The following INTS5 variants were observed in gnomAD, a reference collection of about 807,000 sequenced individuals.
INTS5 encodes KIAA1698.
A neutral mutation model predicts 60.0 loss-of-function variants in INTS5; 29 were observed. The observed-to-expected ratio is 0.48, with a 90% CI of 0.36 to 0.66. The LOEUF (loss-of-function observed/expected upper bound fraction) is 0.66, where lower values mean the gene tolerates loss of function less well. INTS5 is among the 30% of genes least tolerant of loss of function. INTS5 has a pLI of 0.00. For synonymous variants in INTS5, 588 were observed against 558.8 expected (o/e 1.05, Z -0.74); for missense variants, 1,129 against 1,307.9 (o/e 0.86, Z 2.11).
At position 62,653,232 on chromosome 11, in the gene INTS5, G is replaced by T. The variant is rs1443622170; in HGVS notation, c.18C>A (p.Asp6Glu). The change falls in exon 1 of 2, where the codon GAC becomes GAA. Residue 6 changes from aspartate (D) to glutamate (E), a missense_variant. Transcript: ENST00000330574. MSALC[D>E]PPGAPGPPGP... ...CAGGTGGCCCTGGGGCCCCGGGAGG[G>T]TCGCACAGCGCGGACATCCCGGAGC... 15 of 1,245,358 alleles carry T rather than the reference G, an allele frequency of 1.2e-5. No individual in the cohort carries two copies. Among genetic ancestry groups the T allele is most frequent in the Non-Finnish European group, 1.3e-5 (13 of 987,606 alleles). The allele number at this position is 1,245,358 out of a possible 1,614,324, so 77.1% of individuals were successfully genotyped here. A position where few individuals can be genotyped will look rare whatever the true frequency, so the allele number is the denominator to read the frequency against.
Position 62,649,904 on chromosome 11 carries a change from C to T in INTS5, c.176G>A (p.Gly59Asp), listed in dbSNP as rs760304431. ...TGGCAAAGAACGGAGCAGGAGAAGA[C>T]CACAGCGAGCATGTTCCCGGGCTGA... ...QLSAREHARC[G>D]LLLLRSLPPA... Residue 59 changes from glycine (G) to aspartate (D), a missense_variant, in exon 2 of 2, where the codon GGT becomes GAT. By Grantham distance (94) the Gly-to-Asp change is moderately conservative. Transcript: ENST00000330574. The surrounding 1 kb of genome is among the most constrained non-coding windows in gnomAD (Gnocchi z 6.0). 1 of 1,614,176 alleles carries T rather than the reference C, an allele frequency of 6.2e-7. No homozygotes were observed. The highest frequency in any genetic ancestry group is 8.5e-7 in the Non-Finnish European group (1 of 1,180,034).
In INTS5 at chr11:62,647,420, C is replaced by T. The variant is rs1458371847; in HGVS notation, c.2660G>A (p.Gly887Asp). 3 of 1,610,078 alleles carry T rather than the reference C, an allele frequency of 1.9e-6. No individual in the cohort carries two copies. Among genetic ancestry groups the T allele is most frequent in the Non-Finnish European group, 2.5e-6 (3 of 1,177,682 alleles). The change falls in exon 2 of 2, where the codon GGC (glycine) becomes GAC (aspartate). Residue 887 changes from glycine to aspartate, a missense_variant. Coordinates refer to ENST00000330574, the MANE Select transcript of INTS5 (RefSeq NM_030628.2). Reference protein sequence around the residue: ...LLRGLLAALLGHWEASRHPDT... With the variant: ...LLRGLLAALLDHWEASRHPDT... ...AGGGTGGCGAGAGGCTTCCCAATGGCCCAAGAGGGCGGCCAGCAGCCCCCG... is the reference window on the plus strand; with the variant it reads ...AGGGTGGCGAGAGGCTTCCCAATGGTCCAAGAGGGCGGCCAGCAGCCCCCG...
chr11:62,647,259 G>C lies in INTS5; in HGVS notation c.2821C>G (p.Leu941Val), dbSNP rs775434159. Residue 941 changes from leucine to valine, a missense_variant, in exon 2 of 2, where the codon CTG becomes GTG. Coordinates refer to ENST00000330574, the MANE Select transcript of INTS5 (RefSeq NM_030628.2). ...AAACCCCAGACACTGAGCAGCAGCA[G>C]ACGCACCTCGAAAGGTGCCAGTTGG... ...FSQLAPFEVR[L>V]LLLSVWGFLR... 6.2e-7 allele frequency: 1 copy of C among 1,614,258 alleles called. No homozygotes were observed. The highest frequency in any genetic ancestry group is 8.5e-7 in the Non-Finnish European group (1 of 1,180,050).
Position 62,647,968 on chromosome 11 carries a change from C to T in INTS5, c.2112G>A (p.Leu704=), listed in dbSNP as rs577883914. The T allele has an allele frequency of 1.9e-6, 3 of 1,614,222 alleles. No homozygotes were observed. The highest frequency in any genetic ancestry group is 2.5e-6 in the Non-Finnish European group (3 of 1,180,044). The change falls in exon 2 of 2, where the codon CTG becomes CTA. Residue 704 remains leucine (L), a synonymous_variant. Coordinates refer to ENST00000330574, the MANE Select transcript of INTS5 (RefSeq NM_030628.2). ...TGTCCCCATCTACTTGCCCACCAAACAGTTCTGTGTTGCCTCGATGTAAGG... is the reference window on the plus strand; with the variant it reads ...TGTCCCCATCTACTTGCCCACCAAATAGTTCTGTGTTGCCTCGATGTAAGG... ...EGALHRGNTE[L]FGGQVDGDNE...
rs2134577293 is a variant in INTS5, at chr11:62,647,511, G to A, written c.2569C>T (p.Leu857Phe). The A allele has an allele frequency of 6.2e-7, 1 of 1,611,060 alleles. No homozygotes were observed. The highest frequency in any genetic ancestry group is 8.5e-7 in the Non-Finnish European group (1 of 1,178,474). The change falls in exon 2 of 2, where the codon CTC becomes TTC. Residue 857 changes from leucine to phenylalanine, a missense_variant. Physicochemically the swap from Leu to Phe is conservative, Grantham distance 22. Around this residue, in one of 3 missense-constraint regions of INTS5, gnomAD observed 1,070 missense variants for 1,246.1 expected, o/e 0.86. Coordinates refer to ENST00000330574, the MANE Select transcript of INTS5 (RefSeq NM_030628.2). Reference sequence around the variant, plus strand: ...GCTACCAGCTTTAACAGCTCAAAGAGCAGGGGCTGTTCGCGGAAGCGCCGG... The same window carrying A: ...GCTACCAGCTTTAACAGCTCAAAGAACAGGGGCTGTTCGCGGAAGCGCCGG... ...IGRRFREQPL[L>F]FELLKLVAAA... is the part of the protein sequence containing the mutation.
chr11:62,647,230 G>A lies in INTS5; in HGVS notation c.2850C>T (p.Leu950=). The A allele has an allele frequency of 2.5e-6, 4 of 1,614,240 alleles. No individual in the cohort carries two copies. Among genetic ancestry groups the A allele is most frequent in the Non-Finnish European group, 3.4e-6 (4 of 1,180,048 alleles). The change falls in exon 2 of 2, where the codon CTC becomes CTT. Residue 950 remains leucine (L), a synonymous_variant. Transcript: ENST00000330574. ...TCTGAGGCAAGGGCCCATGCTCCCG[G>A]AGAAAACCCCAGACACTGAGCAGCA... ...RLLLLSVWGF[L]REHGPLPQKF...
chr11:62,651,030 T>C (rs1378173585), intron 1 of INTS5, among the ~76,000 whole-genome samples: 1 of 152,082 alleles, frequency 6.6e-6, no homozygotes, highest in African/African-American at 2.4e-5. Context: ...ACTTAAGTTC[T>C]GCAGAAGGAT....
Position 62,650,009 on chromosome 11 carries a change from A to T in INTS5, c.81-10T>A. Reference sequence around the variant, plus strand: ...GGACAGCTCCTGAGCACTACAAGGAAGCAAAAGAAACAGACTTAAGAGTGT... The same window carrying T: ...GGACAGCTCCTGAGCACTACAAGGATGCAAAAGAAACAGACTTAAGAGTGT... On this transcript the variant is annotated splice_polypyrimidine_tract_variant and intron_variant, in intron 1 of 1. Coordinates refer to ENST00000330574, the MANE Select transcript of INTS5 (RefSeq NM_030628.2). 1 of 1,606,480 alleles carries T rather than the reference A, an allele frequency of 6.2e-7. No homozygotes were observed. Among genetic ancestry groups the T allele is most frequent in the South Asian group, 1.1e-5 (1 of 90,958 alleles).
rs755720699 is a variant in INTS5, at chr11:62,649,667, T to G, written c.413A>C (p.Lys138Thr). Residue 138 changes from lysine (K) to threonine (T), a missense_variant, in exon 2 of 2, where the codon AAG becomes ACG. By Grantham distance (78) the Lys-to-Thr change is moderately conservative. This residue lies in a region of INTS5 where 1,070 missense variants were observed against 1,246.1 expected (regional missense o/e 0.86). Coordinates refer to ENST00000330574, the MANE Select transcript of INTS5 (RefSeq NM_030628.2). The surrounding 1 kb of genome is among the most constrained non-coding windows in gnomAD (Gnocchi z 6.0). ...TGCACTAATCACAGGTGCCCAGGCC[T>G]TTGGGTTGGCCCGGATAAACTCAGA... ...VLSEFIRANP[K>T]AWAPVISAWS... 6.2e-7 allele frequency: 1 copy of G among 1,614,200 alleles called. No individual in the cohort carries two copies.
Position 62,647,994 on chromosome 11 carries a change from C to T in INTS5, c.2086G>A (p.Ala696Thr), listed in dbSNP as rs771328399. 21 of 1,614,088 alleles carry T rather than the reference C, an allele frequency of 1.3e-5. No individual in the cohort carries two copies. Among genetic ancestry groups the T allele is most frequent in the Non-Finnish European group, 1.6e-5 (19 of 1,180,040 alleles). Reference sequence around the variant, plus strand: ...AGTTCTGTGTTGCCTCGATGTAAGGCTCCTTCAACCAGCAGCTGCAGGACA... The same window carrying T: ...AGTTCTGTGTTGCCTCGATGTAAGGTTCCTTCAACCAGCAGCTGCAGGACA... ...KAVLQLLVEG[A>T]LHRGNTELFG... Residue 696 changes from alanine to threonine, a missense_variant, in exon 2 of 2, where the codon GCC (alanine) becomes ACC (threonine). Ala to Thr is a moderately conservative substitution (Grantham distance 58). This residue lies in a region of INTS5 where 1,070 missense variants were observed against 1,246.1 expected (regional missense o/e 0.86). Coordinates refer to ENST00000330574, the MANE Select transcript of INTS5 (RefSeq NM_030628.2).
At position 62,649,933 on chromosome 11, in the gene INTS5, T is replaced by G. The variant is rs758106119; in HGVS notation, c.147A>C (p.Gln49His). ...LTGVDPILGHQLSAREHARCG... is the reference protein window; with the variant it reads ...LTGVDPILGHHLSAREHARCG... ...AGCGAGCATGTTCCCGGGCTGAGAG[T>G]TGGTGGCCCAGAATGGGGTCTACGC... The change falls in exon 2 of 2, where the codon CAA (glutamine) becomes CAC (histidine). Residue 49 changes from glutamine (Q) to histidine (H), a missense_variant. Transcript: ENST00000330574. This position sits in a 1 kb window ranked among gnomAD's most constrained non-coding sequence, Gnocchi z 6.0. 7.4e-6 allele frequency: 12 copies of G among 1,613,912 alleles called. No individual in the cohort carries two copies. The South Asian group carries it at 1.3e-4, about 18-fold the overall frequency.
At position 62,649,844 on chromosome 11, in the gene INTS5, C is replaced by T. The variant is rs1410630298; in HGVS notation, c.236G>A (p.Gly79Asp). 7 of 1,614,024 alleles carry T rather than the reference C, an allele frequency of 4.3e-6. No individual in the cohort carries two copies. Among genetic ancestry groups the T allele is most frequent in the Admixed American group, 1.7e-5 (1 of 59,990 alleles). Reference sequence around the variant, plus strand: ...GGCCCGGACACTCTCATCAAAGACACCTCTCAAGTGGTCAAGCACAGCAGC... The same window carrying T: ...GGCCCGGACACTCTCATCAAAGACATCTCTCAAGTGGTCAAGCACAGCAGC... ...ARAAVLDHLR[G>D]VFDESVRAHL... is the part of the protein sequence containing the mutation. Residue 79 changes from glycine to aspartate, a missense_variant, in exon 2 of 2, where the codon GGT (glycine) becomes GAT (aspartate). By Grantham distance (94) the Gly-to-Asp change is moderately conservative (BLOSUM62 -1). Around this residue, in one of 3 missense-constraint regions of INTS5, gnomAD observed 1,070 missense variants for 1,246.1 expected, o/e 0.86. Coordinates refer to ENST00000330574, the MANE Select transcript of INTS5 (RefSeq NM_030628.2). The surrounding 1 kb of genome is among the most constrained non-coding windows in gnomAD (Gnocchi z 6.0).
rs563584230 is a variant in INTS5 at position 62,648,770 on chromosome 11, C to T, written c.1310G>A (p.Arg437Gln). Residue 437 changes from arginine to glutamine, a missense_variant, in exon 2 of 2, where the codon CGG becomes CAG. Transcript: ENST00000330574. The surrounding 1 kb of genome is among the most constrained non-coding windows in gnomAD (Gnocchi z 4.4). ...GTGCAGCAGCAGCAGCTGGATTAGC[C>T]GGTCACAAGCCTCACGCACGGTGTC... ...VPDTVREACD[R>Q]LIQLLLLHLQ... 25 of 1,614,166 alleles carry T rather than the reference C, an allele frequency of 1.5e-5. No homozygotes were observed. The highest frequency in any genetic ancestry group is 8.0e-5 in the African/African-American group (6 of 75,046).
In INTS5 at chr11:62,647,248, G is replaced by A. The variant is rs759284772; in HGVS notation, c.2832C>T (p.Leu944=). Residue 944 remains leucine, a synonymous_variant, in exon 2 of 2, where the codon CTC becomes CTT. Transcript: ENST00000330574. ...GCTCCCGGAGAAAACCCCAGACACT[G>A]AGCAGCAGCAGACGCACCTCGAAAG... is the stretch of plus-strand genomic sequence containing the variant. ...LAPFEVRLLL[L]SVWGFLREHG... 2.1e-5 allele frequency: 34 copies of A among 1,614,102 alleles called. No homozygotes were observed. The Admixed American group carries it at 4.8e-4, about 23-fold the overall frequency.
chr11:62,653,287 A>G lies in INTS5; in HGVS notation c.-38T>C, dbSNP rs560796016. The G allele has an allele frequency of 1.5e-4, 186 of 1,231,798 alleles. No homozygotes were observed. The African/African-American group carries it at 2.7e-3, about 18-fold the overall frequency. 76.3% of individuals were successfully genotyped at this position (1,231,798 alleles called of 1,614,324 possible). On this transcript the variant is annotated 5_prime_UTR_variant, in exon 1 of 2. Coordinates refer to ENST00000330574, the MANE Select transcript of INTS5 (RefSeq NM_030628.2). Reference sequence around the variant, plus strand: ...GCCGAGCCCGAGGCGCGAGCGGCGGAGCGCAGGCGGCGCATGCGCGCTGAC... The same window carrying G: ...GCCGAGCCCGAGGCGCGAGCGGCGGGGCGCAGGCGGCGCATGCGCGCTGAC...
intron 1 of INTS5, among the ~76,000 whole-genome samples, chr11:62,652,216 G>A (rs1944600736): frequency 6.6e-6 from 1 of 151,140 alleles, no homozygotes; most frequent in South Asian, 2.1e-4. Context: ...CTACTCAGGA[G>A]GCTGAGGCAT....
At chr11:62,651,554 T>A (rs1944593299) in intron 1 of INTS5, among the ~76,000 whole-genome samples, 1 of 152,168 alleles carries the variant, frequency 6.6e-6, no homozygotes, top group Admixed American at 6.5e-5. Flanking sequence ...ACTATTATGA[T>A]CCCATTTTAC....
At position 62,646,949 on chromosome 11, in the gene INTS5, C is replaced by T; in HGVS notation, c.*71G>A. On this transcript the variant is annotated 3_prime_UTR_variant, in exon 2 of 2. Coordinates refer to ENST00000330574, the MANE Select transcript of INTS5 (RefSeq NM_030628.2). ...AAGGACTTAGAAGAGAAACCTCCACCCTTCCGGAGCACGTTAGTCCCTTCC... is the reference window on the plus strand; with the variant it reads ...AAGGACTTAGAAGAGAAACCTCCACTCTTCCGGAGCACGTTAGTCCCTTCC... 4 of 1,258,004 alleles carry T rather than the reference C, an allele frequency of 3.2e-6. No individual in the cohort carries two copies. The highest frequency in any genetic ancestry group is 3.4e-6 in the Non-Finnish European group (3 of 893,692). The allele number at this position is 1,258,004 out of a possible 1,614,324, so 77.9% of individuals were successfully genotyped here.
In INTS5 at chr11:62,649,460, G is replaced by C; in HGVS notation, c.620C>G (p.Ala207Gly). Residue 207 changes from alanine (A) to glycine (G), a missense_variant, in exon 2 of 2, where the codon GCG becomes GGG. Ala to Gly is a moderately conservative substitution (Grantham distance 60, BLOSUM62 0). Around this residue, in one of 3 missense-constraint regions of INTS5, gnomAD observed 1,070 missense variants for 1,246.1 expected, o/e 0.86. Coordinates refer to ENST00000330574, the MANE Select transcript of INTS5 (RefSeq NM_030628.2). The surrounding 1 kb of genome is among the most constrained non-coding windows in gnomAD (Gnocchi z 6.0). ...LSALIGSCPD[A>G]CVDALLDTSV... The stretch of plus-strand genomic sequence containing the variant: ...GGTATCCAGCAAGGCATCCACACAC[G>C]CATCTGGGCAGCTACCAATGAGAGC... 1.2e-6 allele frequency: 2 copies of C among 1,614,206 alleles called. No homozygotes were observed. The highest frequency in any genetic ancestry group is 1.7e-6 in the Non-Finnish European group (2 of 1,180,036).
Sources: allele counts gnomAD v4.1 joint callset (sites outside exome capture counted in the v4.1 genomes callset), GRCh38; gene constraint gnomAD v4.1.1; regional missense constraint gnomAD v4.1.1; non-coding constraint Gnocchi (gnomAD v3.1); transcripts MANE v1.5; gene names NCBI Gene and HGNC (gene_info 2026-07-23, HGNC 2026-07-21).